The following HMX3 variants were observed in gnomAD, a reference collection of about 807,000 sequenced individuals.
HMX3 encodes homeobox protein HMX3.
HMX3 carries 8 observed loss-of-function variants against 22.8 expected under a neutral mutation model. The ratio of observed to expected loss-of-function variants is 0.35; its 90% confidence interval spans 0.21 to 0.63. HMX3 has a LOEUF of 0.63. Ranked by LOEUF, HMX3 falls within the 30% of genes least tolerant of loss-of-function variation. The pLI, the probability that HMX3 is intolerant of heterozygous loss-of-function variation, is 0.72. For missense variants in HMX3, 527 were observed against 520.6 expected, an observed-to-expected ratio of 1.01 and a Z score of -0.12; for synonymous variants, 331 against 250.9, an observed-to-expected ratio of 1.32 and a Z score of -3.02.
Position 123,137,223 on chromosome 10 carries a change from G to A in HMX3, c.566G>A (p.Gly189Asp), listed in dbSNP as rs1169838050. The change falls in exon 2 of 2, where the codon GGC becomes GAC. Residue 189 changes from glycine (G) to aspartate (D), a missense_variant. Physicochemically the swap from Gly to Asp is moderately conservative, Grantham distance 94. This residue lies in a region of HMX3 where 386 missense variants were observed against 337.8 expected (regional missense o/e 1.14). Transcript: ENST00000357878. The surrounding 1 kb of genome is among the most constrained non-coding windows in gnomAD (Gnocchi z 5.8). The part of the protein sequence containing the change: ...ESDSEESKKE[G>D]EAAPGAAGAS... Reference sequence around the variant, plus strand: ...GACTCCGAGGAAAGCAAAAAGGAAGGCGAAGCGGCGCCAGGCGCGGCCGGG... The same window carrying A: ...GACTCCGAGGAAAGCAAAAAGGAAGACGAAGCGGCGCCAGGCGCGGCCGGG... 1 of 1,596,076 alleles carries A rather than the reference G, an allele frequency of 6.3e-7. No individual in the cohort carries two copies. The highest frequency in any genetic ancestry group is 8.5e-7 in the Non-Finnish European group (1 of 1,171,448).
In HMX3 at chr10:123,137,550, C is replaced by T. The variant is rs865963058; in HGVS notation, c.893C>T (p.Ala298Val). Residue 298 changes from alanine (A) to valine (V), a missense_variant, in exon 2 of 2, where the codon GCC (alanine) becomes GTC (valine). Physicochemically the swap from Ala to Val is moderately conservative, Grantham distance 64. Transcript: ENST00000357878. This position sits in a 1 kb window ranked among gnomAD's most constrained non-coding sequence, Gnocchi z 5.8. The stretch of plus-strand genomic sequence containing the variant: ...CTGGAGGCGGCCAACCTGAGCCATG[C>T]CGCGGCGCAGCGCATCGTGCGGGTG... ...AELEAANLSHAAAQRIVRVPI... is the reference protein window; with the variant it reads ...AELEAANLSHVAAQRIVRVPI... 2 of 1,610,142 alleles carry T rather than the reference C, an allele frequency of 1.2e-6. No homozygotes were observed. Among genetic ancestry groups the T allele is most frequent in the Non-Finnish European group, 1.7e-6 (2 of 1,179,302 alleles).
At position 123,137,160 on chromosome 10, in the gene HMX3, A is replaced by C. The variant is rs1255617027; in HGVS notation, c.503A>C (p.Asp168Ala). 1.2e-6 allele frequency: 2 copies of C among 1,605,992 alleles called. No homozygotes were observed. Among genetic ancestry groups the C allele is most frequent in the Non-Finnish European group, 1.7e-6 (2 of 1,176,496 alleles). The change falls in exon 2 of 2, where the codon GAC becomes GCC. Residue 168 changes from aspartate to alanine, a missense_variant. By Grantham distance (126) the Asp-to-Ala change is moderately radical. Coordinates refer to ENST00000357878, the MANE Select transcript of HMX3 (RefSeq NM_001105574.2). The surrounding 1 kb of genome is among the most constrained non-coding windows in gnomAD (Gnocchi z 5.8). ...GCCGACCCCGATCACAAGGAGCTGG[A>C]CTCCAAGAGCCCGGACGAGATCATT... ...LKADPDHKEL[D>A]SKSPDEIILE...
chr10:123,137,554 G>T lies in HMX3; in HGVS notation c.897G>T (p.Ala299=), dbSNP rs777058686. 1.2e-6 allele frequency: 2 copies of T among 1,609,648 alleles called. No individual in the cohort carries two copies. The highest frequency in any genetic ancestry group is 1.7e-6 in the Non-Finnish European group (2 of 1,179,168). ...AGGCGGCCAACCTGAGCCATGCCGC[G>T]GCGCAGCGCATCGTGCGGGTGCCCA... is the stretch of plus-strand genomic sequence containing the variant. ...ELEAANLSHA[A]AQRIVRVPIL... is the part of the protein sequence containing the mutation. Residue 299 remains alanine (A), a synonymous_variant, in exon 2 of 2, where the codon GCG becomes GCT. Transcript: ENST00000357878. The surrounding 1 kb of genome is among the most constrained non-coding windows in gnomAD (Gnocchi z 5.8).
Position 123,137,747 on chromosome 10 carries a change from G to C in HMX3, c.*16G>C. 2 of 1,416,116 alleles carry C rather than the reference G, an allele frequency of 1.4e-6. No individual in the cohort carries two copies. Among genetic ancestry groups the C allele is most frequent in the Non-Finnish European group, 1.8e-6 (2 of 1,090,756 alleles). 87.7% of individuals were successfully genotyped at this position (1,416,116 alleles called of 1,614,324 possible). A position where few individuals can be genotyped will look rare whatever the true frequency, so the allele number is the denominator to read the frequency against. ...GCCGGTCTGAGGCCCCAGAGGGGTG[G>C]GGGAGGGAGCGCCCGGCCTCCTTGT... On this transcript the variant is annotated 3_prime_UTR_variant, in exon 2 of 2. Coordinates refer to ENST00000357878, the MANE Select transcript of HMX3 (RefSeq NM_001105574.2). The surrounding 1 kb of genome is among the most constrained non-coding windows in gnomAD (Gnocchi z 5.8).
chr10:123,136,861 C>CG lies in HMX3; in HGVS notation c.401-194dup, dbSNP rs1844082155. ...CTACCACCATCTGCTTGCCTGTCCTCGGGAGGAGGGGGATCCCAGGACTCG... is the reference window on the plus strand; with the variant it reads ...CTACCACCATCTGCTTGCCTGTCCTCGGGGAGGAGGGGGATCCCAGGACTCG... On this transcript the variant is annotated intron_variant, in intron 1 of 1. Coordinates refer to ENST00000357878, the MANE Select transcript of HMX3 (RefSeq NM_001105574.2). This position sits in a 1 kb window ranked among gnomAD's most constrained non-coding sequence, Gnocchi z 4.8. 6.6e-6 allele frequency among the ~76,000 whole-genome samples: 1 copy of CG among 152,120 alleles called. No homozygotes were observed. The highest frequency in any genetic ancestry group is 2.1e-4 in the South Asian group (1 of 4,824).
In HMX3 at chr10:123,139,071, G is replaced by T. The variant is rs115222942; in HGVS notation, c.*1340G>T. The stretch of plus-strand genomic sequence containing the variant: ...AAGAAAAAAGTAGGCAGGGGAAAGG[G>T]GGGAAGAAAGAAACAAGCTTAGGTA... On this transcript the variant is annotated 3_prime_UTR_variant, in exon 2 of 2. Coordinates refer to ENST00000357878, the MANE Select transcript of HMX3 (RefSeq NM_001105574.2). Among the ~76,000 whole-genome samples the T allele has an allele frequency of 5.6e-3, 855 of 152,234 alleles. 7 individuals are homozygous for T. Among genetic ancestry groups the T allele is most frequent in the African/African-American group, 0.02 (823 of 41,500 alleles).
At position 123,138,885 on chromosome 10, in the gene HMX3, A is replaced by G. The variant is rs1408684549; in HGVS notation, c.*1154A>G. Among the ~76,000 whole-genome samples, 1 of 152,178 alleles carries G rather than the reference A, an allele frequency of 6.6e-6. No individual in the cohort carries two copies. The highest frequency in any genetic ancestry group is 1.5e-5 in the Non-Finnish European group (1 of 68,038). On this transcript the variant is annotated 3_prime_UTR_variant, in exon 2 of 2. Transcript: ENST00000357878. ...TTGAGAGAGTAATTTCAGTATTTTT[A>G]ATATGATATCTTTTATCCTCTCCTC...
rs1374938183 is a variant in HMX3 at position 123,136,412 on chromosome 10, C to A, written c.362C>A (p.Thr121Asn). The change falls in exon 1 of 2, where the codon ACC becomes AAC. Residue 121 changes from threonine to asparagine, a missense_variant. Physicochemically the swap from Thr to Asn is moderately conservative, Grantham distance 65. Transcript: ENST00000357878. The surrounding 1 kb of genome is among the most constrained non-coding windows in gnomAD (Gnocchi z 4.8). The part of the protein sequence containing the change: ...ERSPAWWYPY[T>N]LTPAGGHLPR... ...TCCCCAGCCTGGTGGTACCCCTACA[C>A]CCTGACCCCCGCCGGCGGCCACCTC... 10 of 1,531,292 alleles carry A rather than the reference C, an allele frequency of 6.5e-6. No individual in the cohort carries two copies. Among genetic ancestry groups the A allele is most frequent in the Non-Finnish European group, 8.8e-6 (10 of 1,141,460 alleles). The allele number at this position is 1,531,292 out of a possible 1,614,324, so 94.9% of individuals were successfully genotyped here. A position where few individuals can be genotyped will look rare whatever the true frequency, so the allele number is the denominator to read the frequency against.
rs1349929500 is a variant in HMX3 at position 123,139,385 on chromosome 10, C to T, written c.*1654C>T. Among the ~76,000 whole-genome samples the T allele has an allele frequency of 6.6e-6, 1 of 151,556 alleles. No individual in the cohort carries two copies. Among genetic ancestry groups the T allele is most frequent in the East Asian group, 1.9e-4 (1 of 5,196 alleles). On this transcript the variant is annotated 3_prime_UTR_variant, in exon 2 of 2. Transcript: ENST00000357878. ...CAAAATATTGTTACACTAATGTTGT[C>T]GTGACATTGAATTAATTAAAAAGAA...
Position 123,136,953 on chromosome 10 carries a change from G to A in HMX3, c.401-105G>A. 7.4e-7 allele frequency: 1 copy of A among 1,358,332 alleles called. No individual in the cohort carries two copies. Among genetic ancestry groups the A allele is most frequent in the Non-Finnish European group, 9.8e-7 (1 of 1,019,322 alleles). The allele number at this position is 1,358,332 out of a possible 1,614,324, so 84.1% of individuals were successfully genotyped here. A position where few individuals can be genotyped will look rare whatever the true frequency, so the allele number is the denominator to read the frequency against. On this transcript the variant is annotated intron_variant, in intron 1 of 1. Coordinates refer to ENST00000357878, the MANE Select transcript of HMX3 (RefSeq NM_001105574.2). The surrounding 1 kb of genome is among the most constrained non-coding windows in gnomAD (Gnocchi z 4.8). Reference sequence around the variant, plus strand: ...GGAATGGTGAGGCCTCATGGCCTGGGACCTGGAGGCCGGCGCGGGTTGAGC... The same window carrying A: ...GGAATGGTGAGGCCTCATGGCCTGGAACCTGGAGGCCGGCGCGGGTTGAGC...
At position 123,139,088 on chromosome 10, in the gene HMX3, G is replaced by T. The variant is rs1844111655; in HGVS notation, c.*1357G>T. On this transcript the variant is annotated 3_prime_UTR_variant, in exon 2 of 2. Coordinates refer to ENST00000357878, the MANE Select transcript of HMX3 (RefSeq NM_001105574.2). ...GGGAAAGGGGGGAAGAAAGAAACAAGCTTAGGTAGTGATGCTCAAAGGAGT... is the reference window on the plus strand; with the variant it reads ...GGGAAAGGGGGGAAGAAAGAAACAATCTTAGGTAGTGATGCTCAAAGGAGT... Among the ~76,000 whole-genome samples the T allele has an allele frequency of 6.6e-6, 1 of 152,206 alleles. No homozygotes were observed. The highest frequency in any genetic ancestry group is 2.4e-5 in the African/African-American group (1 of 41,454).
rs141319322 is a variant in HMX3 at position 123,137,124 on chromosome 10, C to A, written c.467C>A (p.Pro156Gln). 1.7e-4 allele frequency: 276 copies of A among 1,610,492 alleles called. 1 individual carries two copies. The East Asian group carries it at 4.9e-3, about 29-fold the overall frequency. ...GGCACAGACCGCGACTCTCCGGAGC[C>A]ACTGCTCAAGGCCGACCCCGATCAC... ...ASGTDRDSPE[P>Q]LLKADPDHKE... Residue 156 changes from proline (P) to glutamine (Q), a missense_variant, in exon 2 of 2, where the codon CCA becomes CAA. Physicochemically the swap from Pro to Gln is moderately conservative, Grantham distance 76 (BLOSUM62 -1). Around this residue, in one of 3 missense-constraint regions of HMX3, gnomAD observed 386 missense variants for 337.8 expected, o/e 1.14. Coordinates refer to ENST00000357878, the MANE Select transcript of HMX3 (RefSeq NM_001105574.2). The surrounding 1 kb of genome is among the most constrained non-coding windows in gnomAD (Gnocchi z 5.8).
chr10:123,135,997 C>A lies in HMX3; in HGVS notation c.-54C>A, dbSNP rs1844066641. 1 of 1,303,218 alleles carries A rather than the reference C, an allele frequency of 7.7e-7. No homozygotes were observed. The highest frequency in any genetic ancestry group is 9.8e-7 in the Non-Finnish European group (1 of 1,021,534). The allele number at this position is 1,303,218 out of a possible 1,614,324, so 80.7% of individuals were successfully genotyped here. ...TTTCCGGCCTCTCGCCTGCTCGCCC[C>A]GCCGCCCGCCTGTCCCGCTCCCTCC... On this transcript the variant is annotated 5_prime_UTR_variant, in exon 1 of 2. Transcript: ENST00000357878.
rs1266881191 is a variant in HMX3 at position 123,138,895 on chromosome 10, C to G, written c.*1164C>G. Among the ~76,000 whole-genome samples the G allele has an allele frequency of 6.6e-6, 1 of 152,088 alleles. No homozygotes were observed. The highest frequency in any genetic ancestry group is 2.4e-5 in the African/African-American group (1 of 41,404). On this transcript the variant is annotated 3_prime_UTR_variant, in exon 2 of 2. Transcript: ENST00000357878. The stretch of plus-strand genomic sequence containing the variant: ...AATTTCAGTATTTTTAATATGATAT[C>G]TTTTATCCTCTCCTCTTACTTTTCA...
chr10:123,137,232 C>A lies in HMX3; in HGVS notation c.575C>A (p.Ala192Glu). Reference sequence around the variant, plus strand: ...GAAAGCAAAAAGGAAGGCGAAGCGGCGCCAGGCGCGGCCGGGGCGAGCGTA... The same window carrying A: ...GAAAGCAAAAAGGAAGGCGAAGCGGAGCCAGGCGCGGCCGGGGCGAGCGTA... ...SEESKKEGEA[A>E]PGAAGASVGA... is the part of the protein sequence containing the mutation. The change falls in exon 2 of 2, where the codon GCG becomes GAG. Residue 192 changes from alanine to glutamate, a missense_variant. Around this residue, in one of 3 missense-constraint regions of HMX3, gnomAD observed 386 missense variants for 337.8 expected, o/e 1.14. Coordinates refer to ENST00000357878, the MANE Select transcript of HMX3 (RefSeq NM_001105574.2). The surrounding 1 kb of genome is among the most constrained non-coding windows in gnomAD (Gnocchi z 5.8). 1.3e-6 allele frequency: 2 copies of A among 1,594,696 alleles called. No individual in the cohort carries two copies. Among genetic ancestry groups the A allele is most frequent in the South Asian group, 1.1e-5 (1 of 89,004 alleles).
Position 123,139,133 on chromosome 10 carries a change from G to C in HMX3, c.*1402G>C, listed in dbSNP as rs1844111947. On this transcript the variant is annotated 3_prime_UTR_variant, in exon 2 of 2. Coordinates refer to ENST00000357878, the MANE Select transcript of HMX3 (RefSeq NM_001105574.2). ...AGGAGTAAGTTAGGCATACTGGAGC[G>C]CTTTAAGTGAAGGACAATCAATTTA... is the stretch of plus-strand genomic sequence containing the variant. 6.6e-6 allele frequency among the ~76,000 whole-genome samples: 1 copy of C among 152,154 alleles called. No homozygotes were observed.
At position 123,137,326 on chromosome 10, in the gene HMX3, G is replaced by A. The variant is rs1026187707; in HGVS notation, c.669G>A (p.Pro223=). Residue 223 remains proline, a synonymous_variant, in exon 2 of 2, where the codon CCG becomes CCA. Transcript: ENST00000357878. This position sits in a 1 kb window ranked among gnomAD's most constrained non-coding sequence, Gnocchi z 5.8. ...KKGAESPEKK[P]ACRKKKTRTV... Reference sequence around the variant, plus strand: ...GCGCTGAAAGTCCAGAGAAGAAGCCGGCGTGCCGCAAGAAGAAGACGCGCA... The same window carrying A: ...GCGCTGAAAGTCCAGAGAAGAAGCCAGCGTGCCGCAAGAAGAAGACGCGCA... 8.1e-6 allele frequency: 13 copies of A among 1,610,806 alleles called. No individual in the cohort carries two copies. Among genetic ancestry groups the A allele is most frequent in the African/African-American group, 8.0e-5 (6 of 74,864 alleles).
Position 123,137,253 on chromosome 10 carries a change from G to A in HMX3, c.596G>A (p.Ser199Asn), listed in dbSNP as rs767824635. 3 of 1,591,806 alleles carry A rather than the reference G, an allele frequency of 1.9e-6. No homozygotes were observed. The highest frequency in any genetic ancestry group is 2.6e-6 in the Non-Finnish European group (3 of 1,169,352). ...GEAAPGAAGA[S>N]VGAAAATPGA... ...GCGGCGCCAGGCGCGGCCGGGGCGA[G>A]CGTAGGGGCGGCGGCGGCCACTCCG... is the stretch of plus-strand genomic sequence containing the variant. The change falls in exon 2 of 2, where the codon AGC becomes AAC. Residue 199 changes from serine (S) to asparagine (N), a missense_variant. Physicochemically the swap from Ser to Asn is conservative, Grantham distance 46. This residue lies in a region of HMX3 where 386 missense variants were observed against 337.8 expected (regional missense o/e 1.14). Transcript: ENST00000357878. The surrounding 1 kb of genome is among the most constrained non-coding windows in gnomAD (Gnocchi z 5.8).
rs1033325015 is a variant in HMX3 at position 123,138,307 on chromosome 10, G to T, written c.*576G>T. ...TGGGATTGCAGGTGTGTGCCACCACGTCCGGCTAATTTTTGTATTTTTAGT... is the reference window on the plus strand; with the variant it reads ...TGGGATTGCAGGTGTGTGCCACCACTTCCGGCTAATTTTTGTATTTTTAGT... On this transcript the variant is annotated 3_prime_UTR_variant, in exon 2 of 2. Transcript: ENST00000357878. Among the ~76,000 whole-genome samples the T allele has an allele frequency of 1.3e-5, 2 of 151,922 alleles. No homozygotes were observed. The highest frequency in any genetic ancestry group is 2.9e-5 in the Non-Finnish European group (2 of 67,974).
Sources: allele counts gnomAD v4.1 joint callset (sites outside exome capture counted in the v4.1 genomes callset), GRCh38; gene constraint gnomAD v4.1.1; regional missense constraint gnomAD v4.1.1; non-coding constraint Gnocchi (gnomAD v3.1); transcripts MANE v1.5; gene names NCBI Gene and HGNC (gene_info 2026-07-23, HGNC 2026-07-21).